BICD1: variants seen among roughly 807,000 people sequenced by gnomAD.
BICD1 encodes protein bicaudal D homolog 1.
Under a neutral mutation model 92.5 loss-of-function variants are expected in BICD1, and 35 were observed. The observed-to-expected ratio is 0.38, with a 90% CI of 0.29 to 0.50. The LOEUF (loss-of-function observed/expected upper bound fraction) is 0.50, where lower values mean the gene tolerates loss of function less well. Ranked by LOEUF, BICD1 falls within the 20% of genes least tolerant of loss-of-function variation. BICD1 has a pLI of 0.93. For missense variants in BICD1, 950 were observed against 1,189.8 expected, an observed-to-expected ratio of 0.80 and a Z score of 2.97; for synonymous variants, 429 against 465.1, an observed-to-expected ratio of 0.92 and a Z score of 1.00.
At chr12:32,116,474 C>G (rs60051095) in intron 1 of BICD1, among the ~76,000 whole-genome samples, 11,659 of 110,168 alleles carry the variant, frequency 0.11, 565 homozygotes, top group Middle Eastern at 0.15. Flanking sequence ...CTCTCTCTCT[C>G]TCTCTCTCTC....
At chr12:32,374,904 A>G (rs1362662884) in intron 9 of BICD1, among the ~76,000 whole-genome samples, 3 of 35,890 alleles carry the variant, frequency 8.4e-5, no homozygotes, top group Admixed American at 5.4e-4. Flanking sequence ...TTCTTCATTT[A>G]TTTTCCTTTT....
At chr12:32,314,764 T>G (rs1199121286) in intron 4 of BICD1, among the ~76,000 whole-genome samples, 1 of 150,788 alleles carries the variant, frequency 6.6e-6, no homozygotes, top group African/African-American at 2.5e-5. Context: ...CAAAGGAGTT[T>G]TTTTTTTTTT....
intron 1 of BICD1, among the ~76,000 whole-genome samples, chr12:32,203,567 A>G (rs963095449): frequency 1.3e-5 from 2 of 152,170 alleles, no homozygotes; most frequent in African/African-American, 2.4e-5. Flanking sequence ...TTCCTTGTCT[A>G]TGAGGAACAT....
At chr12:32,307,306 A>G (rs1261215570) in intron 4 of BICD1, among the ~76,000 whole-genome samples, 1 of 152,224 alleles carries the variant, frequency 6.6e-6, no homozygotes, top group East Asian at 1.9e-4. Context: ...CATGAGTTAA[A>G]CCTTAAATTT....
chr12:32,337,139 C>T lies in BICD1; in HGVS notation c.2253-360C>T, dbSNP rs1312379692. On this transcript the variant is annotated intron_variant, in intron 6 of 9. Coordinates refer to ENST00000652176, the MANE Select transcript of BICD1 (RefSeq NM_001714.4). This position sits in a 1 kb window ranked among gnomAD's most constrained non-coding sequence, Gnocchi z 4.7. The stretch of plus-strand genomic sequence containing the variant: ...GCACACTCCTGTAATTCCAGCAACT[C>T]GGCAGGCTGAGGCATGAGAATCGCT... Among the ~76,000 whole-genome samples, 6 of 152,024 alleles carry T rather than the reference C, an allele frequency of 3.9e-5. No homozygotes were observed. Among genetic ancestry groups the T allele is most frequent in the Admixed American group, 1.3e-4 (2 of 15,250 alleles).
At chr12:32,227,070 T>A (rs1945719616) in intron 2 of BICD1, among the ~76,000 whole-genome samples, 1 of 152,156 alleles carries the variant, frequency 6.6e-6, no homozygotes, top group South Asian at 2.1e-4. Flanking sequence ...CTGGATGGAC[T>A]GTGAAGGAGG....
chr12:32,277,237 T>C (rs1947299859), intron 2 of BICD1, among the ~76,000 whole-genome samples: 1 of 151,992 alleles, frequency 6.6e-6, no homozygotes. Flanking sequence ...CTACTAAAAA[T>C]AGAAAAATTA....
Position 32,167,456 on chromosome 12 carries a change from C to CT in BICD1, c.214-48781dup, listed in dbSNP as rs201958703. 3.9e-3 allele frequency among the ~76,000 whole-genome samples: 588 copies of CT among 149,170 alleles called. 2 individuals are homozygous for CT. Among genetic ancestry groups the CT allele is most frequent in the Admixed American group, 0.011 (163 of 14,868 alleles). ...AACTGGGAAGTGGCTGAGAATCATT[C>CT]TTTTTTTTTTAATTTTTGAGACGGA... On this transcript the variant is annotated intron_variant, in intron 1 of 9. Coordinates refer to ENST00000652176, the MANE Select transcript of BICD1 (RefSeq NM_001714.4).
rs543584656 is a variant in BICD1, at chr12:32,371,582, TTTTG to T, written c.2840+3845_2840+3848del. ...TGTTTGGTTTAGTTTTTTGGCGTTT[TTTTG>T]TTTGTTTTTGTTTTTGTTTGAGACA... On this transcript the variant is annotated intron_variant, in intron 9 of 9. Transcript: ENST00000652176. Among the ~76,000 whole-genome samples, 64 of 152,164 alleles carry T rather than the reference TTTTG, an allele frequency of 4.2e-4. 1 individual carries two copies. The South Asian group carries it at 0.013, about 31-fold the overall frequency.
At chr12:32,332,033 G>A (rs1937898284) in intron 5 of BICD1, among the ~76,000 whole-genome samples, 1 of 152,134 alleles carries the variant, frequency 6.6e-6, no homozygotes, top group Non-Finnish European at 1.5e-5. Flanking sequence ...CTACTATACA[G>A]CCATAAGAAA....
chr12:32,180,830 C>T (rs1046993219), intron 1 of BICD1, among the ~76,000 whole-genome samples: 2 of 151,928 alleles, frequency 1.3e-5, no homozygotes, highest in African/African-American at 4.8e-5. Context: ...CATTAAGGAG[C>T]ATTTGCTTTC....
intron 4 of BICD1, among the ~76,000 whole-genome samples, chr12:32,311,639 G>A (rs1468866152): frequency 6.6e-6 from 1 of 152,190 alleles, no homozygotes; most frequent in Non-Finnish European, 1.5e-5. Context: ...TGGGATCAAT[G>A]GAAAGAAAAT....
intron 1 of BICD1, among the ~76,000 whole-genome samples, chr12:32,129,491 C>T (rs1344199186): frequency 3.4e-5 from 5 of 146,010 alleles, no homozygotes; most frequent in African/African-American, 1.0e-4. Flanking sequence ...CGCAACTATA[C>T]TCCAGCCTGG....
At chr12:32,302,622 C>A (rs1206357877) in intron 3 of BICD1, among the ~76,000 whole-genome samples, 1 of 152,146 alleles carries the variant, frequency 6.6e-6, no homozygotes, top group Non-Finnish European at 1.5e-5. Flanking sequence ...CAATTTTTCT[C>A]CCATGAAGTA....
intron 1 of BICD1, among the ~76,000 whole-genome samples, chr12:32,203,750 A>T (rs144882642): frequency 6.6e-6 from 1 of 152,068 alleles, no homozygotes; most frequent in Non-Finnish European, 1.5e-5. Context: ...GAGAAGCCCT[A>T]TATCTCATTT....
intron 1 of BICD1, among the ~76,000 whole-genome samples, chr12:32,197,975 G>A (rs893722034): frequency 2.6e-5 from 4 of 152,078 alleles, no homozygotes; most frequent in Non-Finnish European, 5.9e-5. Flanking sequence ...GGAGGCCAAG[G>A]CGGGTGGATC....
At chr12:32,191,636 ATATAT>A (rs1204530636) in intron 1 of BICD1, among the ~76,000 whole-genome samples, 3 of 147,680 alleles carry the variant, frequency 2.0e-5, no homozygotes, top group African/African-American at 7.4e-5. Flanking sequence ...AATATATGTT[ATATAT>A]TATATGTTAT....
chr12:32,164,091 T>G (rs1943680412), intron 1 of BICD1, among the ~76,000 whole-genome samples: 1 of 152,160 alleles, frequency 6.6e-6, no homozygotes, highest in South Asian at 2.1e-4. Flanking sequence ...CTTCCCTTCT[T>G]CTCTTAGTGA....
chr12:32,364,493 G>A (rs1482406987), intron 8 of BICD1, among the ~76,000 whole-genome samples: 1 of 152,218 alleles, frequency 6.6e-6, no homozygotes, highest in Non-Finnish European at 1.5e-5. Flanking sequence ...CTGGAGGGCT[G>A]TAGACCCGAG....
Sources: allele counts gnomAD v4.1 joint callset (sites outside exome capture counted in the v4.1 genomes callset), GRCh38; gene constraint gnomAD v4.1.1; non-coding constraint Gnocchi (gnomAD v3.1); transcripts MANE v1.5; gene names NCBI Gene and HGNC (gene_info 2026-07-23, HGNC 2026-07-21).